HMGCL: variants seen among roughly 807,000 people sequenced by gnomAD.
HMGCL encodes the protein hydroxymethylglutaryl-CoA lyase, mitochondrial.
HMGCL carries 26 observed loss-of-function variants against 37.3 expected under a neutral mutation model. That is an observed-to-expected ratio of 0.70 (90% CI 0.51 to 0.97). The LOEUF is 0.97. Ranked by LOEUF, HMGCL falls within the 50% of genes least tolerant of loss-of-function variation. HMGCL has a pLI of 0.00. For missense variants in HMGCL, 379 were observed against 398.1 expected (o/e 0.95, Z 0.41); for synonymous variants, 151 against 148.0 (o/e 1.02, Z -0.15).
rs1461805768 is a variant in HMGCL at position 23,817,508 on chromosome 1, T to A, written c.220A>T (p.Thr74Ser). The A allele has an allele frequency of 6.2e-7, 1 of 1,613,216 alleles. No homozygotes were observed. The highest frequency in any genetic ancestry group is 1.3e-5 in the African/African-American group (1 of 74,916). ...ACCCACTTAGGAGACACAAAGCTGG[T>A]GGTTTCTATAACAGAGAGTCCTGCT... ...SEAGLSVIET[T>S]SFVSPKWVPQ... Residue 74 changes from threonine (T) to serine (S), a missense_variant, in exon 3 of 9, where the codon ACC becomes TCC. Coordinates refer to ENST00000374490, the MANE Select transcript of HMGCL (RefSeq NM_000191.3).
Position 23,806,917 on chromosome 1 carries a change from G to A in HMGCL, c.750+1218C>T. 1.9e-6 allele frequency: 1 copy of A among 516,370 alleles called. No homozygotes were observed. The highest frequency in any genetic ancestry group is 1.4e-5 in the South Asian group (1 of 71,318). The allele number at this position is 516,370 out of a possible 1,614,324, so 32.0% of individuals were successfully genotyped here. A position where few individuals can be genotyped will look rare whatever the true frequency, so the allele number is the denominator to read the frequency against. ...TGAGCTCCCAGAGGGCAGGGATTGG[G>A]TCTTGTTACCATTGTCTAAGTCAGC... On this transcript the variant is annotated intron_variant, in intron 7 of 8. Transcript: ENST00000374490. This position sits in a 1 kb window ranked among gnomAD's most constrained non-coding sequence, Gnocchi z 4.0.
intron 1 of HMGCL, 21 bp downstream of exon 1, chr1:23,825,327 CCGCCGCCT>C: frequency 6.5e-7 from 1 of 1,541,784 alleles, no homozygotes; most frequent in Non-Finnish European, 8.8e-7. Flanking sequence ...GCCTGCAGGG[CCGCCGCCT>C]CGGCGGCTCG....
Position 23,816,394 on chromosome 1 carries a change from G to C in HMGCL, c.348+281C>G, listed in dbSNP as rs937506078. 26 of 481,746 alleles carry C rather than the reference G, an allele frequency of 5.4e-5. 1 individual carries two copies. The Admixed American group carries it at 6.6e-4, about 12-fold the overall frequency. The allele number at this position is 481,746 out of a possible 1,614,324, so 29.8% of individuals were successfully genotyped here. On this transcript the variant is annotated intron_variant, in intron 4 of 8. Transcript: ENST00000374490. ...CAAAAGAGCTAACATTTATTAAGCA[G>C]TTACCTTTTATCTGGCTCTTGCTAA...
At chr1:23,813,121 C>T (rs1638550246) in intron 5 of HMGCL, among the ~76,000 whole-genome samples, 1 of 151,668 alleles carries the variant, frequency 6.6e-6, no homozygotes, top group African/African-American at 2.4e-5. Flanking sequence ...AACTCCTTAC[C>T]TCAGGTGATC....
At chr1:23,815,150 T>C (rs1444591081) in intron 4 of HMGCL, among the ~76,000 whole-genome samples, 1 of 151,668 alleles carries the variant, frequency 6.6e-6, no homozygotes, top group Non-Finnish European at 1.5e-5. Context: ...GAGCTTGCAG[T>C]GAGCCGAGAT....
chr1:23,812,580 C>A (rs1638537940), intron 5 of HMGCL, among the ~76,000 whole-genome samples: 1 of 152,076 alleles, frequency 6.6e-6, no homozygotes, highest in Non-Finnish European at 1.5e-5. Context: ...GTCACAAACT[C>A]CTGGGCTGAA....
In HMGCL at chr1:23,804,477, G is replaced by A. The variant is rs1220289416; in HGVS notation, c.799C>T (p.Pro267Ser). ...DSSVAGLGGC[P>S]YAQGASGNLA... ...TTTCCTGATGCCCCCTGTGCGTAGG[G>A]ACAGCCTCCAAGTCCTGCCACAGAA... Residue 267 changes from proline (P) to serine (S), a missense_variant, in exon 8 of 9, where the codon CCC becomes TCC. Transcript: ENST00000374490. 1 of 1,614,016 alleles carries A rather than the reference G, an allele frequency of 6.2e-7. No homozygotes were observed. Among genetic ancestry groups the A allele is most frequent in the Admixed American group, 1.7e-5 (1 of 60,024 alleles).
In HMGCL at chr1:23,806,925, A is replaced by G. The variant is rs1466525548; in HGVS notation, c.750+1210T>C. Reference sequence around the variant, plus strand: ...CAGAGGGCAGGGATTGGGTCTTGTTACCATTGTCTAAGTCAGCACTTAACC... The same window carrying G: ...CAGAGGGCAGGGATTGGGTCTTGTTGCCATTGTCTAAGTCAGCACTTAACC... On this transcript the variant is annotated intron_variant, in intron 7 of 8. Transcript: ENST00000374490. The surrounding 1 kb of genome is among the most constrained non-coding windows in gnomAD (Gnocchi z 4.0). 1 of 517,622 alleles carries G rather than the reference A, an allele frequency of 1.9e-6. No individual in the cohort carries two copies. Among genetic ancestry groups the G allele is most frequent in the Non-Finnish European group, 3.9e-6 (1 of 259,352 alleles). 32.1% of individuals were successfully genotyped at this position (517,622 alleles called of 1,614,324 possible). A position where few individuals can be genotyped will look rare whatever the true frequency, so the allele number is the denominator to read the frequency against.
At chr1:23,810,685 G>T in intron 6 of HMGCL, 51 bp downstream of exon 6, 1 of 1,529,174 alleles carries the variant, frequency 6.5e-7, no homozygotes, top group Non-Finnish European at 9.1e-7. Flanking sequence ...CTCAGGGGCA[G>T]ACAAGGTGGC....
At chr1:23,804,081 A>G (rs1198922540) in intron 8 of HMGCL, 3 of 343,430 alleles carry the variant, frequency 8.7e-6, no homozygotes, top group Non-Finnish European at 1.7e-5. Flanking sequence ...TATTAGATCA[A>G]ATATCCATAA....
chr1:23,824,082 C>G (rs559613274), intron 1 of HMGCL, among the ~76,000 whole-genome samples: 1 of 152,314 alleles, frequency 6.6e-6, no homozygotes, highest in South Asian at 2.1e-4. Flanking sequence ...CGTTCCTCCT[C>G]TGTAAAGCTC....
In HMGCL at chr1:23,804,413, A is replaced by T. The variant is rs1425615804; in HGVS notation, c.863T>A (p.Leu288Ter). ...TEDLVYMLEG[L>*]GIHTGVNLQK... is the part of the protein sequence containing the mutation. Reference sequence around the variant, plus strand: ...GGGTGGGCTTACCGTGTGAATGCCCAAGCCCTCTAGCATGTAGACCAGGTC... The same window carrying T: ...GGGTGGGCTTACCGTGTGAATGCCCTAGCCCTCTAGCATGTAGACCAGGTC... The change falls in exon 8 of 9, where the codon TTG (leucine) becomes TAG (stop). Residue 288 changes from leucine to a stop codon, truncating the protein, a stop_gained. Transcript: ENST00000374490. LOFTEE classifies it high-confidence loss of function. The T allele has an allele frequency of 6.2e-7, 1 of 1,614,108 alleles. No individual in the cohort carries two copies. Among genetic ancestry groups the T allele is most frequent in the African/African-American group, 1.3e-5 (1 of 74,938 alleles).
chr1:23,814,147 C>T, intron 5 of HMGCL, 43 bp downstream of exon 5: 2 of 1,610,342 alleles, frequency 1.2e-6, no homozygotes, highest in Non-Finnish European at 1.7e-6. Context: ...AGCCCCATTC[C>T]AGAACGGTAC....
intron 6 of HMGCL, among the ~76,000 whole-genome samples, chr1:23,808,944 C>A (rs1286110707): frequency 6.6e-6 from 1 of 150,492 alleles, no homozygotes; most frequent in Middle Eastern, 3.4e-3. Context: ...CTCACTCTGT[C>A]GCCCAGGCTG....
chr1:23,812,204 G>A (rs1441772036), intron 5 of HMGCL, among the ~76,000 whole-genome samples: 1 of 152,110 alleles, frequency 6.6e-6, no homozygotes, highest in Non-Finnish European at 1.5e-5. Flanking sequence ...GCAGCTAAGT[G>A]CTACATTTAG....
At position 23,814,016 on chromosome 1, in the gene HMGCL, G is replaced by C. The variant is rs1031942825; in HGVS notation, c.497+174C>G. The C allele has an allele frequency of 4.2e-6, 3 of 722,556 alleles. No homozygotes were observed. The African/African-American group carries it at 5.3e-5, about 13-fold the overall frequency. 44.8% of individuals were successfully genotyped at this position (722,556 alleles called of 1,614,324 possible). On this transcript the variant is annotated intron_variant, in intron 5 of 8. Transcript: ENST00000374490. ...ACCCAAAATTCAGGTTTGAGAGAAA[G>C]TACTTCCTAGGATTTCTTCTGACCA...
At chr1:23,813,467 C>G (rs554821672) in intron 5 of HMGCL, among the ~76,000 whole-genome samples, 1 of 151,868 alleles carries the variant, frequency 6.6e-6, no homozygotes, top group South Asian at 2.1e-4. Context: ...GGGGTTTCAC[C>G]ATGTCGGCCA....
intron 2 of HMGCL, among the ~76,000 whole-genome samples, chr1:23,819,621 C>T (rs773971549): frequency 6.6e-6 from 1 of 151,948 alleles, no homozygotes; most frequent in Admixed American, 6.6e-5. Flanking sequence ...CCTAGCTATT[C>T]GGGAGGCTGA....
At position 23,823,473 on chromosome 1, in the gene HMGCL, C is replaced by T. The variant is rs149667804; in HGVS notation, c.60+1883G>A. On this transcript the variant is annotated intron_variant, in intron 1 of 8. Transcript: ENST00000374490. ...GTTCAAGTGATTCTCCTGCCTCAGC[C>T]TCCCGAGTAGCTGGGACTACAGGTG... Among the ~76,000 whole-genome samples the T allele has an allele frequency of 6.8e-3, 1,036 of 151,984 alleles. 18 individuals are homozygous for T. The highest frequency in any genetic ancestry group is 0.023 in the African/African-American group (972 of 41,420).
Sources: allele counts gnomAD v4.1 joint callset (sites outside exome capture counted in the v4.1 genomes callset), GRCh38; gene constraint gnomAD v4.1.1; non-coding constraint Gnocchi (gnomAD v3.1); transcripts MANE v1.5; gene names NCBI Gene and HGNC (gene_info 2026-07-23, HGNC 2026-07-21).